GRM3: variants seen among roughly 807,000 people sequenced by gnomAD.
The protein encoded by GRM3 is glutamate metabotropic receptor 3, also known as metabotropic glutamate receptor 3.
A neutral mutation model predicts 70.5 loss-of-function variants in GRM3; 26 were observed. That is an observed-to-expected ratio of 0.37 (90% confidence interval 0.27 to 0.51). The LOEUF is 0.51. Among genes scored for constraint, GRM3 ranks in the 20% least tolerant of loss-of-function variants. The pLI is 0.93. For missense variants in GRM3, 859 were observed against 1,123.8 expected (o/e 0.76, Z 3.37); for synonymous variants, 443 against 434.9 (o/e 1.02, Z -0.23).
intron 1 of GRM3, among the ~76,000 whole-genome samples, chr7:86,721,764 A>G (rs1424095934): frequency 2.0e-5 from 3 of 152,096 alleles, no homozygotes; most frequent in South Asian, 2.1e-4. Flanking sequence ...GATACCAAGA[A>G]CCAATGCATT....
At chr7:86,838,450 CATAA>C (rs1256085938) in intron 3 of GRM3, among the ~76,000 whole-genome samples, 12 of 152,032 alleles carry the variant, frequency 7.9e-5, no homozygotes, top group East Asian at 1.9e-4. Flanking sequence ...ATTGGCTGTA[CATAA>C]ATAAATACGT....
chr7:86,839,797 C>T lies in GRM3; in HGVS notation c.2283C>T (p.Cys761=). 2 of 1,613,866 alleles carry T rather than the reference C, an allele frequency of 1.2e-6. No individual in the cohort carries two copies. Among genetic ancestry groups the T allele is most frequent in the Non-Finnish European group, 1.7e-6 (2 of 1,179,770 alleles). ...TGTACGCCTTCAAAACGCGGAAGTG[C>T]CCAGAAAATTTCAACGAAGCTAAGT... ...CTVYAFKTRK[C]PENFNEAKFI... The change falls in exon 4 of 6, where the codon TGC becomes TGT. Residue 761 remains cysteine, a synonymous_variant. Transcript: ENST00000361669. This position sits in a 1 kb window ranked among gnomAD's most constrained non-coding sequence, Gnocchi z 4.5.
intron 1 of GRM3, among the ~76,000 whole-genome samples, chr7:86,702,330 T>C (rs966313728): frequency 1.3e-5 from 2 of 152,044 alleles, no homozygotes; most frequent in African/African-American, 4.8e-5. Flanking sequence ...GTCCTGCATC[T>C]CTTCATCCCT....
In GRM3 at chr7:86,774,430, G is replaced by T. The variant is rs118017367; in HGVS notation, c.468+8817G>T. ...ATCAGTGGGACTTTGAACACTAAAAGTGTAGTGTGACTATTTTTGACAACA... is the reference window on the plus strand; with the variant it reads ...ATCAGTGGGACTTTGAACACTAAAATTGTAGTGTGACTATTTTTGACAACA... On this transcript the variant is annotated intron_variant, in intron 2 of 5. Transcript: ENST00000361669. 1.7e-4 allele frequency among the ~76,000 whole-genome samples: 26 copies of T among 152,188 alleles called. 1 individual carries two copies. Among genetic ancestry groups the T allele is most frequent in the African/African-American group, 5.8e-4 (24 of 41,544 alleles).
At chr7:86,840,667 C>T (rs1459110373) in intron 4 of GRM3, among the ~76,000 whole-genome samples, 1 of 152,008 alleles carries the variant, frequency 6.6e-6, no homozygotes, top group Non-Finnish European at 1.5e-5. Flanking sequence ...TTTTATAATT[C>T]TGATTTCAGT....
At chr7:86,833,471 G>A (rs1798395538) in intron 3 of GRM3, among the ~76,000 whole-genome samples, 2 of 152,064 alleles carry the variant, frequency 1.3e-5, no homozygotes, top group African/African-American at 4.8e-5. Context: ...TCAGTTCACA[G>A]GGTTCTATTT....
At chr7:86,733,814 C>A (rs1421763713) in intron 1 of GRM3, among the ~76,000 whole-genome samples, 2 of 152,164 alleles carry the variant, frequency 1.3e-5, no homozygotes, top group Non-Finnish European at 2.9e-5. Context: ...ACAGCCTGGG[C>A]ACAGGCCATA....
In GRM3 at chr7:86,643,935, G is replaced by C. The variant is rs1330729708; in HGVS notation, c.-1078G>C. 3.9e-5 allele frequency: 6 copies of C among 152,424 alleles called. No homozygotes were observed. Among genetic ancestry groups the C allele is most frequent in the Non-Finnish European group, 8.8e-5 (6 of 68,304 alleles). 9.4% of individuals were successfully genotyped at this position (152,424 alleles called of 1,614,324 possible). ...CAGTGTGCAGTTGAGTCGCGAGTAC[G>C]GCTGAGCTGCGTACCGGCCTCCCTG... On this transcript the variant is annotated 5_prime_UTR_variant, in exon 1 of 6. Transcript: ENST00000361669.
intron 3 of GRM3, among the ~76,000 whole-genome samples, chr7:86,823,604 T>TC (rs1798169952): frequency 8.5e-6 from 1 of 118,186 alleles, no homozygotes; most frequent in Non-Finnish European, 1.8e-5. Flanking sequence ...TTTTTTTTTT[T>TC]TGGCGGGGGG....
chr7:86,776,087 C>G (rs1562858439), intron 2 of GRM3: 1 of 151,968 alleles, frequency 6.6e-6, no homozygotes, highest in East Asian at 1.9e-4. Context: ...CGACATCAGT[C>G]AAAGTTTGCT....
chr7:86,656,024 A>C (rs1263677161), intron 1 of GRM3, among the ~76,000 whole-genome samples: 1 of 152,150 alleles, frequency 6.6e-6, no homozygotes, highest in East Asian at 1.9e-4. Context: ...TTTCCCTTCC[A>C]GGCCTTTCAA....
rs754829746 is a variant in GRM3, at chr7:86,839,264, G to T, written c.1750G>T (p.Ala584Ser). ...CTGGGCCATTGGCCCAGTCACCATT[G>T]CCTGTCTGGGTTTTATGTGTACATG... ...DAWAIGPVTIACLGFMCTCMV... is the reference protein window; with the variant it reads ...DAWAIGPVTISCLGFMCTCMV... Residue 584 changes from alanine to serine, a missense_variant, in exon 4 of 6, where the codon GCC (alanine) becomes TCC (serine). Coordinates refer to ENST00000361669, the MANE Select transcript of GRM3 (RefSeq NM_000840.3). The surrounding 1 kb of genome is among the most constrained non-coding windows in gnomAD (Gnocchi z 4.5). 3 of 1,613,700 alleles carry T rather than the reference G, an allele frequency of 1.9e-6. No homozygotes were observed. Among genetic ancestry groups the T allele is most frequent in the South Asian group, 2.2e-5 (2 of 91,072 alleles).
intron 1 of GRM3, among the ~76,000 whole-genome samples, chr7:86,720,309 G>A (rs530126381): frequency 4.7e-4 from 71 of 152,098 alleles, no homozygotes; most frequent in African/African-American, 1.6e-3. Flanking sequence ...AGATGGAAAG[G>A]AGGTAACATC....
chr7:86,732,311 G>T (rs893218363), intron 1 of GRM3, among the ~76,000 whole-genome samples: 1 of 152,074 alleles, frequency 6.6e-6, no homozygotes, highest in Admixed American at 6.6e-5. Flanking sequence ...AATATCTAAG[G>T]CCTGTATTAT....
intron 1 of GRM3, among the ~76,000 whole-genome samples, chr7:86,718,714 C>T (rs1336482237): frequency 6.6e-6 from 1 of 151,888 alleles, no homozygotes; most frequent in Non-Finnish European, 1.5e-5. Context: ...GTGACAGTAG[C>T]ATTAACATTT....
At chr7:86,729,367 T>C (rs925849095) in intron 1 of GRM3, among the ~76,000 whole-genome samples, 2 of 152,218 alleles carry the variant, frequency 1.3e-5, no homozygotes, top group African/African-American at 2.4e-5. Flanking sequence ...GTGTATAACG[T>C]GTTCCATTTT....
At chr7:86,854,311 G>T (rs560066548) in intron 5 of GRM3, among the ~76,000 whole-genome samples, 1 of 152,250 alleles carries the variant, frequency 6.6e-6, no homozygotes, top group East Asian at 1.9e-4. Flanking sequence ...CCTGATGGCA[G>T]CCAAGGTGGT....
intron 1 of GRM3, among the ~76,000 whole-genome samples, chr7:86,669,006 T>C (rs1277969921): frequency 6.6e-6 from 1 of 152,172 alleles, no homozygotes; most frequent in Non-Finnish European, 1.5e-5. Context: ...GGAAAGTTCC[T>C]GTCTTACTAT....
intron 3 of GRM3, among the ~76,000 whole-genome samples, chr7:86,813,345 A>G (rs1469290884): frequency 6.6e-6 from 1 of 151,718 alleles, no homozygotes; most frequent in East Asian, 1.9e-4. Flanking sequence ...CTTGCACATC[A>G]TCCAAAATAT....
Sources: gnomAD v4.1 joint callset for allele counts (sites outside exome capture counted in the v4.1 genomes callset) on GRCh38, gnomAD v4.1.1 for gene constraint, Gnocchi (gnomAD v3.1) non-coding constraint, MANE v1.5 for transcripts, NCBI Gene and HGNC (gene_info 2026-07-23, HGNC 2026-07-21) for gene names.